Variants in CDK14 observed in about 807,000 individuals in gnomAD.
CDK14 encodes the protein cyclin-dependent kinase 14.
Under a neutral mutation model 60.7 loss-of-function variants are expected in CDK14, and 34 were observed. That is an observed-to-expected ratio of 0.56 (90% CI 0.43 to 0.75). The LOEUF is 0.75. Ranked by LOEUF, CDK14 falls within the 30% of genes least tolerant of loss-of-function variation. CDK14 has a pLI of 0.00. For missense variants in CDK14, 482 were observed against 564.1 expected (o/e 0.85, Z 1.47); for synonymous variants, 197 against 203.7 (o/e 0.97, Z 0.28).
chr7:90,770,985 C>A (rs536755113), intron 4 of CDK14, among the ~76,000 whole-genome samples: 4 of 152,170 alleles, frequency 2.6e-5, no homozygotes, highest in Non-Finnish European at 5.9e-5. Flanking sequence ...GAGAGAATCC[C>A]CTCACCCTGA....
At chr7:90,894,759 A>ATAT (rs1225985495) in intron 6 of CDK14, among the ~76,000 whole-genome samples, 2 of 152,176 alleles carry the variant, frequency 1.3e-5, no homozygotes, top group African/African-American at 4.8e-5. Flanking sequence ...TACATGCCAT[A>ATAT]TATATAACAC....
intron 14 of CDK14, among the ~76,000 whole-genome samples, chr7:91,139,887 A>AT (rs539918020): frequency 8.8e-6 from 1 of 113,322 alleles, no homozygotes; most frequent in African/African-American, 3.4e-5. Flanking sequence ...GTCACCTTTC[A>AT]TTTTTTTCCG....
chr7:90,634,444 C>G lies in CDK14; in HGVS notation c.123+30195C>G, dbSNP rs573656955. On this transcript the variant is annotated intron_variant, in intron 2 of 14. Coordinates refer to ENST00000380050, the MANE Select transcript of CDK14 (RefSeq NM_001287135.2). ...AATGATTTCCAATTTCATCCATGTC[C>G]CTACAAAGGACATGAACTCATCATT... Among the ~76,000 whole-genome samples, 398 of 151,670 alleles carry G rather than the reference C, an allele frequency of 2.6e-3. 5 individuals are homozygous for G. The highest frequency in any genetic ancestry group is 9.1e-3 in the African/African-American group (377 of 41,312).
intron 7 of CDK14, among the ~76,000 whole-genome samples, chr7:90,910,295 A>G (rs1792850090): frequency 6.6e-6 from 1 of 152,204 alleles, no homozygotes; most frequent in South Asian, 2.1e-4. Context: ...TATTTGCATT[A>G]GCTGTTTTGA....
intron 7 of CDK14, among the ~76,000 whole-genome samples, chr7:90,914,313 A>T (rs1040296306): frequency 8.5e-5 from 13 of 152,098 alleles, no homozygotes; most frequent in Non-Finnish European, 1.8e-4. Flanking sequence ...TACTTTTTAA[A>T]ATTGTTGTTA....
chr7:90,826,372 C>G (rs191045687), intron 5 of CDK14, among the ~76,000 whole-genome samples: 1 of 152,054 alleles, frequency 6.6e-6, no homozygotes, highest in African/African-American at 2.4e-5. Flanking sequence ...GCGCCCACCC[C>G]CACTCCCAGC....
At chr7:91,020,054 A>G (rs1482965331) in intron 10 of CDK14, among the ~76,000 whole-genome samples, 2 of 152,190 alleles carry the variant, frequency 1.3e-5, no homozygotes, top group African/African-American at 4.8e-5. Context: ...CAGCAGGCTA[A>G]TCAGGGCATG....
chr7:90,919,004 T>C (rs1250844633), intron 8 of CDK14, among the ~76,000 whole-genome samples: 1 of 152,166 alleles, frequency 6.6e-6, no homozygotes, highest in Admixed American at 6.5e-5. Context: ...GATTTTAACA[T>C]TGGAATTACA....
chr7:91,090,413 G>A (rs1016386521), intron 12 of CDK14, among the ~76,000 whole-genome samples: 2 of 152,122 alleles, frequency 1.3e-5, no homozygotes, highest in Admixed American at 1.3e-4. Context: ...AGCCACGTGT[G>A]GCTATTGAGT....
chr7:90,965,700 G>A (rs2117607908), intron 9 of CDK14, among the ~76,000 whole-genome samples: 1 of 152,254 alleles, frequency 6.6e-6, no homozygotes, highest in Middle Eastern at 3.4e-3. Flanking sequence ...TAGAGATACA[G>A]TTTTCAAATT....
intron 14 of CDK14, among the ~76,000 whole-genome samples, chr7:91,179,789 C>G (rs1421554405): frequency 2.0e-5 from 3 of 150,680 alleles, no homozygotes; most frequent in Non-Finnish European, 4.4e-5. Flanking sequence ...GGCGACAGAG[C>G]GAGACTCCGT....
intron 5 of CDK14, among the ~76,000 whole-genome samples, chr7:90,839,795 G>T (rs922663895): frequency 6.6e-6 from 1 of 152,150 alleles, no homozygotes; most frequent in Non-Finnish European, 1.5e-5. Flanking sequence ...CAGAATCAAA[G>T]TGGAATGTGT....
intron 8 of CDK14, among the ~76,000 whole-genome samples, chr7:90,937,709 A>G (rs575713667): frequency 2.0e-5 from 3 of 152,298 alleles, no homozygotes; most frequent in East Asian, 3.9e-4. Context: ...CTGTTGTTTC[A>G]ATGAAAAATC....
At chr7:90,980,890 T>C (rs959489640) in intron 9 of CDK14, among the ~76,000 whole-genome samples, 6 of 152,212 alleles carry the variant, frequency 3.9e-5, no homozygotes, top group African/African-American at 1.4e-4. Flanking sequence ...ATGGAGATGA[T>C]ATAGACTAAA....
chr7:91,026,743 T>A (rs1183731057), intron 10 of CDK14, among the ~76,000 whole-genome samples: 1 of 152,238 alleles, frequency 6.6e-6, no homozygotes. Context: ...AAATCAGTGC[T>A]TCCCACTTAG....
intron 5 of CDK14, among the ~76,000 whole-genome samples, chr7:90,835,940 T>C (rs1790080217): frequency 6.6e-6 from 1 of 152,306 alleles, no homozygotes; most frequent in South Asian, 2.1e-4. Context: ...TGTAACACAA[T>C]GGTAAGTATT....
chr7:90,633,745 C>T (rs906486461), intron 2 of CDK14, among the ~76,000 whole-genome samples: 3 of 151,338 alleles, frequency 2.0e-5, no homozygotes, highest in African/African-American at 7.3e-5. Flanking sequence ...TTTTATAAAT[C>T]TTTTTTTTTC....
At chr7:91,137,694 GTGTGTGT>G (rs1562920461) in intron 14 of CDK14, among the ~76,000 whole-genome samples, 1 of 105,164 alleles carries the variant, frequency 9.5e-6, no homozygotes, top group Non-Finnish European at 2.5e-5. Flanking sequence ...CTTGTGGGGG[GTGTGTGT>G]GTGTGTGTGT....
chr7:91,176,463 C>T (rs561657393), intron 14 of CDK14, among the ~76,000 whole-genome samples: 1 of 151,928 alleles, frequency 6.6e-6, no homozygotes, highest in African/African-American at 2.4e-5. Context: ...AAAATCAGAG[C>T]AGAACTGAAG....
Sources: allele counts gnomAD v4.1 joint callset (sites outside exome capture counted in the v4.1 genomes callset), GRCh38; gene constraint gnomAD v4.1.1; transcripts MANE v1.5; gene names NCBI Gene and HGNC (gene_info 2026-07-23, HGNC 2026-07-21).